SGO2: variants seen among roughly 807,000 people sequenced by gnomAD.
SGO2 encodes shugoshin-like 2.
Under a neutral mutation model 99.5 loss-of-function variants are expected in SGO2, and 68 were observed. The ratio of observed to expected loss-of-function variants is 0.68; its 90% CI spans 0.56 to 0.84. The LOEUF is 0.84. SGO2 is among the 40% of genes least tolerant of loss of function. SGO2 has a pLI of 0.00. For synonymous variants in SGO2, 457 were observed against 487.1 expected, an observed-to-expected ratio of 0.94 and a Z score of 0.81; for missense variants, 1,350 against 1,436.7, an observed-to-expected ratio of 0.94 and a Z score of 0.97.
intron 5 of SGO2, among the ~76,000 whole-genome samples, chr2:200,565,841 C>G (rs1481766868): frequency 2.0e-5 from 3 of 152,200 alleles, no homozygotes; most frequent in Non-Finnish European, 4.4e-5. Flanking sequence ...ACCCTTTCTT[C>G]CAGTTGATCA....
chr2:200,558,479 C>A (rs1326390914), intron 5 of SGO2, among the ~76,000 whole-genome samples: 1 of 151,278 alleles, frequency 6.6e-6, no homozygotes, highest in African/African-American at 2.4e-5. Flanking sequence ...AATGTTAAAC[C>A]ACAATTGCAT....
chr2:200,541,973 TG>T (rs1185682568), intron 4 of SGO2, among the ~76,000 whole-genome samples: 7 of 152,196 alleles, frequency 4.6e-5, no homozygotes, highest in African/African-American at 1.7e-4. Flanking sequence ...AAGTTTTCTT[TG>T]TTTTTTTAGC....
At chr2:200,557,307 CA>C (rs1299691831) in intron 5 of SGO2, among the ~76,000 whole-genome samples, 1 of 152,068 alleles carries the variant, frequency 6.6e-6, no homozygotes, top group African/African-American at 2.4e-5. Context: ...GCCTTTAATC[CA>C]CTCTGTCTTA....
Position 200,538,048 on chromosome 2 carries a change from T to G in SGO2, c.387+1906T>G, listed in dbSNP as rs370812003. Among the ~76,000 whole-genome samples, 232 of 152,290 alleles carry G rather than the reference T, an allele frequency of 1.5e-3. 1 individual carries two copies. Among genetic ancestry groups the G allele is most frequent in the African/African-American group, 5.2e-3 (218 of 41,566 alleles). On this transcript the variant is annotated intron_variant, in intron 4 of 8. Coordinates refer to ENST00000357799, the MANE Select transcript of SGO2 (RefSeq NM_152524.6). ...GGCACTGTTATGTCTTACTTACATATTGTATTAATATTAGCATCCCAACTT... is the reference window on the plus strand; with the variant it reads ...GGCACTGTTATGTCTTACTTACATAGTGTATTAATATTAGCATCCCAACTT...
intron 5 of SGO2, among the ~76,000 whole-genome samples, chr2:200,545,057 AGTGTAGTG>A (rs2032149168): frequency 1.3e-5 from 2 of 152,116 alleles, no homozygotes; most frequent in African/African-American, 4.8e-5. Flanking sequence ...CCCAGCCTGG[AGTGTAGTG>A]GTGCAATCTC....
intron 5 of SGO2, chr2:200,543,279 G>C (rs1412647222): frequency 6.6e-6 from 1 of 152,334 alleles, no homozygotes; most frequent in African/African-American, 2.4e-5. Flanking sequence ...GCTCCAGCCT[G>C]GGCGACAGAG....
chr2:200,530,839 A>C (rs546337410), intron 1 of SGO2, among the ~76,000 whole-genome samples: 2 of 152,356 alleles, frequency 1.3e-5, no homozygotes, highest in East Asian at 3.9e-4. Context: ...GATCTTGGAA[A>C]AAAGCAGTTT....
chr2:200,532,908 T>G, intron 1 of SGO2, 66 bp from the exon 2 acceptor site: 1 of 1,439,830 alleles, frequency 6.9e-7, no homozygotes, highest in South Asian at 1.3e-5. Flanking sequence ...CTTTTTAAAA[T>G]GTATTTATCA....
Position 200,569,669 on chromosome 2 carries a change from A to G in SGO2, c.480A>G (p.Pro160=), listed in dbSNP as rs367788356. The G allele has an allele frequency of 3.7e-6, 6 of 1,602,626 alleles. No individual in the cohort carries two copies. Among genetic ancestry groups the G allele is most frequent in the Non-Finnish European group, 4.3e-6 (5 of 1,174,908 alleles). ...CCTTCCCACTTGCCTTTAGGGTTCC[A>G]TTAACTTCAAATGATGATGAAGATG... ...KLMRLPFARV[P]LTSNDDEDED... The change falls in exon 6 of 9, where the codon CCA becomes CCG. Residue 160 remains proline, a synonymous_variant. Coordinates refer to ENST00000357799, the MANE Select transcript of SGO2 (RefSeq NM_152524.6).
At chr2:200,554,267 A>G (rs2032613361) in intron 5 of SGO2, among the ~76,000 whole-genome samples, 1 of 152,186 alleles carries the variant, frequency 6.6e-6, no homozygotes, top group African/African-American at 2.4e-5. Context: ...ACTAAAGATC[A>G]TCAACGTTTC....
chr2:200,562,383 T>A (rs952512200), intron 5 of SGO2, among the ~76,000 whole-genome samples: 4 of 152,326 alleles, frequency 2.6e-5, no homozygotes, highest in African/African-American at 9.6e-5. Flanking sequence ...GTGGTATTAT[T>A]TTTGAGGGTT....
Position 200,569,723 on chromosome 2 carries a change from C to T in SGO2, c.534C>T (p.Asn178=). The T allele has an allele frequency of 6.2e-7, 1 of 1,612,616 alleles. No individual in the cohort carries two copies. Among genetic ancestry groups the T allele is most frequent in the Non-Finnish European group, 8.5e-7 (1 of 1,179,168 alleles). Residue 178 remains asparagine, a synonymous_variant, in exon 6 of 9, where the codon AAC becomes AAT. Coordinates refer to ENST00000357799, the MANE Select transcript of SGO2 (RefSeq NM_152524.6). The part of the protein sequence containing the change: ...DEDKEKMQCD[N]NIKSKTLPDI... ...ATAAAGAGAAAATGCAGTGTGACAA[C>T]AATATTAAATCAAAGACATTACCTG...
intron 4 of SGO2, among the ~76,000 whole-genome samples, chr2:200,540,078 GT>G (rs1270259163): frequency 3.3e-5 from 5 of 151,208 alleles, no homozygotes; most frequent in Non-Finnish European, 7.4e-5. Context: ...GTATCTATTT[GT>G]TTGCTGAGAT....
intron 5 of SGO2, among the ~76,000 whole-genome samples, chr2:200,552,618 C>T (rs2032540797): frequency 1.3e-5 from 2 of 152,100 alleles, no homozygotes; most frequent in African/African-American, 4.8e-5. Context: ...CTGACATTAC[C>T]ATGGCATTTG....
chr2:200,543,491 C>T (rs908727894), intron 5 of SGO2: 24 of 152,138 alleles, frequency 1.6e-4, no homozygotes, highest in Admixed American at 5.2e-4. Flanking sequence ...GACCAAAATC[C>T]TGTTGTCTCT....
At chr2:200,536,260 GATAATAT>G in intron 4 of SGO2, 118 bp downstream of exon 4, 1 of 537,232 alleles carries the variant, frequency 1.9e-6, no homozygotes, top group South Asian at 3.0e-5. Flanking sequence ...AAGGACTGAT[GATAATAT>G]CAGTTTTAAC....
intron 4 of SGO2, among the ~76,000 whole-genome samples, chr2:200,542,221 A>G (rs895779872): frequency 6.6e-6 from 1 of 152,184 alleles, no homozygotes; most frequent in African/African-American, 2.4e-5. Context: ...TTAAAAAGCC[A>G]TTTAAAAGAT....
At chr2:200,538,578 GAAC>G (rs1425217083) in intron 4 of SGO2, among the ~76,000 whole-genome samples, 1 of 152,050 alleles carries the variant, frequency 6.6e-6, no homozygotes, top group Non-Finnish European at 1.5e-5. Flanking sequence ...GTCTTTACCA[GAAC>G]AACATCTAGA....
chr2:200,576,634 C>T (rs533881073), intron 8 of SGO2, among the ~76,000 whole-genome samples: 58 of 152,214 alleles, frequency 3.8e-4, no homozygotes, highest in Admixed American at 7.8e-4. Context: ...ATATGTGCAA[C>T]CATTACCAGA....
Sources: gnomAD v4.1 joint callset for allele counts (sites outside exome capture counted in the v4.1 genomes callset) on GRCh38, gnomAD v4.1.1 for gene constraint, MANE v1.5 for transcripts, NCBI Gene and HGNC (gene_info 2026-07-23, HGNC 2026-07-21) for gene names.